TMC7: variants seen among roughly 807,000 people sequenced by gnomAD.
TMC7 encodes the protein transmembrane channel like 7, also known as transmembrane channel-like protein 7.
In TMC7, 54 loss-of-function variants were observed where a neutral mutation model predicts 82.9. The observed-to-expected ratio is 0.65, with a 90% CI of 0.52 to 0.82. TMC7 has a LOEUF of 0.82. Ranked by LOEUF, TMC7 falls within the 40% of genes least tolerant of loss-of-function variation. TMC7 has a pLI of 0.00. For synonymous variants in TMC7, 350 were observed against 337.9 expected, an observed-to-expected ratio of 1.04 and a Z score of -0.39; for missense variants, 820 against 901.2, an observed-to-expected ratio of 0.91 and a Z score of 1.15.
At position 19,062,372 on chromosome 16, in the gene TMC7, T is replaced by C. The variant is rs1321575250; in HGVS notation, c.*529T>C. 3 of 152,334 alleles carry C rather than the reference T, an allele frequency of 2.0e-5. No homozygotes were observed. The highest frequency in any genetic ancestry group is 4.8e-5 in the African/African-American group (2 of 41,476). The allele number at this position is 152,334 out of a possible 1,614,324, so 9.4% of individuals were successfully genotyped here. On this transcript the variant is annotated 3_prime_UTR_variant, in exon 16 of 16. Coordinates refer to ENST00000304381, the MANE Select transcript of TMC7 (RefSeq NM_024847.4). The stretch of plus-strand genomic sequence containing the variant: ...GCTGGGCGCAGCGGCTCACGCCTGT[T>C]ATCCCAACACTTTGGGAGGCCGAGG...
chr16:18,993,299 A>C (rs2038983719), intron 1 of TMC7, among the ~76,000 whole-genome samples: 1 of 152,212 alleles, frequency 6.6e-6, no homozygotes, highest in African/African-American at 2.4e-5. Flanking sequence ...TTGGGGATAG[A>C]TATTCACGAT....
Position 18,984,053 on chromosome 16 carries a change from G to A in TMC7, c.-11G>A, listed in dbSNP as rs1444632574. 1.3e-5 allele frequency: 19 copies of A among 1,474,714 alleles called. No homozygotes were observed. Among genetic ancestry groups the A allele is most frequent in the Non-Finnish European group, 1.6e-5 (18 of 1,120,518 alleles). The allele number at this position is 1,474,714 out of a possible 1,614,324, so 91.4% of individuals were successfully genotyped here. ...GTCCTCGGCAGCCTCTGAGGAGCGC[G>A]GGGCGCGGCCATGAGCGAGTCCAGC... is the stretch of plus-strand genomic sequence containing the variant. On this transcript the variant is annotated 5_prime_UTR_variant, in exon 1 of 16. Coordinates refer to ENST00000304381, the MANE Select transcript of TMC7 (RefSeq NM_024847.4).
intron 7 of TMC7, among the ~76,000 whole-genome samples, chr16:19,036,405 A>T (rs1309132699): frequency 2.0e-5 from 3 of 152,228 alleles, no homozygotes; most frequent in Non-Finnish European, 4.4e-5. Flanking sequence ...GCTACTTGGG[A>T]GTCTGAGGCA....
At chr16:19,018,927 T>G (rs1306556078) in intron 3 of TMC7, among the ~76,000 whole-genome samples, 1 of 152,262 alleles carries the variant, frequency 6.6e-6, no homozygotes, top group Non-Finnish European at 1.5e-5. Flanking sequence ...CTTGGCTCAC[T>G]GCAACCTCCG....
intron 1 of TMC7, among the ~76,000 whole-genome samples, chr16:18,989,623 T>G: frequency 1.5e-5 from 2 of 134,804 alleles, no homozygotes; most frequent in African/African-American, 2.6e-5. Flanking sequence ...GCCCTGGGGG[T>G]CTAGTGGCGA....
chr16:19,061,767 T>G lies in TMC7; in HGVS notation c.2107-11T>G, dbSNP rs754976072. On this transcript the variant is annotated splice_polypyrimidine_tract_variant and intron_variant, in intron 15 of 15. Transcript: ENST00000304381. The stretch of plus-strand genomic sequence containing the variant: ...TATATTAAATGTACATGTGAACTTA[T>G]TATTTTTTAGGAAAGTCGTGACAAG... 6.2e-7 allele frequency: 1 copy of G among 1,611,640 alleles called. No individual in the cohort carries two copies. The highest frequency in any genetic ancestry group is 2.2e-5 in the East Asian group (1 of 44,864).
intron 2 of TMC7, among the ~76,000 whole-genome samples, chr16:19,013,278 G>A (rs1959481916): frequency 6.6e-6 from 1 of 150,762 alleles, no homozygotes; most frequent in Non-Finnish European, 1.5e-5. Flanking sequence ...GAGTGCAATG[G>A]TGCGATCTCG....
intron 3 of TMC7, among the ~76,000 whole-genome samples, chr16:19,017,671 T>TG (rs968155814): frequency 9.3e-5 from 13 of 139,770 alleles, no homozygotes; most frequent in Admixed American, 2.8e-4. Flanking sequence ...AAAACAGTTT[T>TG]TTTTTTTTTT....
At position 19,011,741 on chromosome 16, in the gene TMC7, A is replaced by C. The variant is rs1333528233; in HGVS notation, c.311+2326A>C. Reference sequence around the variant, plus strand: ...TCTATGAAGAAAATAGCAAAACAAAATAACACATTGGATGATACACTGTAC... The same window carrying C: ...TCTATGAAGAAAATAGCAAAACAAACTAACACATTGGATGATACACTGTAC... On this transcript the variant is annotated intron_variant, in intron 2 of 15. Coordinates refer to ENST00000304381, the MANE Select transcript of TMC7 (RefSeq NM_024847.4). Among the ~76,000 whole-genome samples, 2 of 152,024 alleles carry C rather than the reference A, an allele frequency of 1.3e-5. 1 individual carries two copies. Among genetic ancestry groups the C allele is most frequent in the South Asian group, 4.2e-4 (2 of 4,812 alleles).
intron 12 of TMC7, chr16:19,049,511 A>G (rs1961428592): frequency 9.4e-6 from 5 of 533,192 alleles, no homozygotes; most frequent in African/African-American, 8.1e-5. Flanking sequence ...CTTTTGAAGA[A>G]TGTTCTGATG....
chr16:19,043,279 C>T (rs918107214), intron 9 of TMC7, among the ~76,000 whole-genome samples: 1 of 152,066 alleles, frequency 6.6e-6, no homozygotes, highest in Non-Finnish European at 1.5e-5. Flanking sequence ...AGACATCCCG[C>T]GACCCTGATA....
chr16:19,021,521 C>A lies in TMC7; in HGVS notation c.461-108C>A. The A allele has an allele frequency of 1.6e-6, 2 of 1,212,856 alleles. 1 individual carries two copies. Among genetic ancestry groups the A allele is most frequent in the South Asian group, 3.0e-5 (2 of 66,894 alleles). 75.1% of individuals were successfully genotyped at this position (1,212,856 alleles called of 1,614,324 possible). A position where few individuals can be genotyped will look rare whatever the true frequency, so the allele number is the denominator to read the frequency against. On this transcript the variant is annotated intron_variant, in intron 3 of 15. Coordinates refer to ENST00000304381, the MANE Select transcript of TMC7 (RefSeq NM_024847.4). ...AGAAAAAAATAAAACGTTTCTTCCT[C>A]CTTCCAGCTACTGATTCCTCCAGCT...
chr16:19,040,336 A>G lies in TMC7; in HGVS notation c.1227A>G (p.Leu409=), dbSNP rs370812589. The G allele has an allele frequency of 2.7e-5, 44 of 1,613,886 alleles. No individual in the cohort carries two copies. The African/African-American group carries it at 5.7e-4, about 21-fold the overall frequency. The change falls in exon 9 of 16, where the codon CTA becomes CTG. Residue 409 remains leucine, a synonymous_variant. Transcript: ENST00000304381. ...GAGAGAACCTCTTCATATTGTATCT[A>G]CCGTCTATTGTGATCACGCTGGCCA... is the stretch of plus-strand genomic sequence containing the variant. The part of the protein sequence containing the change: ...VFGENLFILY[L]PSIVITLANF...
chr16:18,994,170 G>T (rs758616624), intron 1 of TMC7, among the ~76,000 whole-genome samples: 5 of 152,108 alleles, frequency 3.3e-5, no homozygotes, highest in Admixed American at 1.3e-4. Context: ...GAAGGAGCTG[G>T]GGGGCAGAAA....
At chr16:19,058,909 G>T (rs1352107910) in intron 14 of TMC7, among the ~76,000 whole-genome samples, 1 of 151,976 alleles carries the variant, frequency 6.6e-6, no homozygotes, top group Non-Finnish European at 1.5e-5. Context: ...ACGGAGGCTT[G>T]CTCTGCCGCC....
rs754944887 is a variant in TMC7, at chr16:19,023,207, A to G, written c.711+12A>G. 21 of 1,549,322 alleles carry G rather than the reference A, an allele frequency of 1.4e-5. No homozygotes were observed. Among genetic ancestry groups the G allele is most frequent in the Non-Finnish European group, 1.6e-5 (18 of 1,126,644 alleles). On this transcript the variant is annotated intron_variant, in intron 5 of 15. Transcript: ENST00000304381. ...TGCTTTCTGGCACTGTAAGTATTTAACATAATCCTTTGTTTAGCTCCTCAA... is the reference window on the plus strand; with the variant it reads ...TGCTTTCTGGCACTGTAAGTATTTAGCATAATCCTTTGTTTAGCTCCTCAA...
intron 1 of TMC7, among the ~76,000 whole-genome samples, chr16:18,990,931 C>T (rs148731158): frequency 1.9e-3 from 292 of 152,244 alleles, no homozygotes; most frequent in African/African-American, 6.6e-3. Context: ...TGGATGTATA[C>T]GTGCAGGTCA....
At chr16:19,003,101 C>T (rs558305241) in intron 1 of TMC7, among the ~76,000 whole-genome samples, 9 of 152,140 alleles carry the variant, frequency 5.9e-5, no homozygotes, top group African/African-American at 9.6e-5. Flanking sequence ...GAGGCTAAGG[C>T]GGGAGGATCA....
chr16:19,037,312 A>T (rs1362429296), intron 7 of TMC7, among the ~76,000 whole-genome samples: 2 of 147,958 alleles, frequency 1.4e-5, no homozygotes, highest in African/African-American at 2.5e-5. Flanking sequence ...GACTGGAACC[A>T]GGGAGTCAGA....
Sources: gnomAD v4.1 joint callset for allele counts (sites outside exome capture counted in the v4.1 genomes callset) on GRCh38, gnomAD v4.1.1 for gene constraint, MANE v1.5 for transcripts, NCBI Gene and HGNC (gene_info 2026-07-23, HGNC 2026-07-21) for gene names.